The following FHIT variants were observed in gnomAD, a reference collection of about 807,000 sequenced individuals.
FHIT encodes the protein fragile histidine triad diadenosine triphosphatase.
FHIT carries 19 observed loss-of-function variants against 17.9 expected under a neutral mutation model. That is an observed-to-expected ratio of 1.06 (90% CI 0.74 to 1.56). The LOEUF is 1.56. Among genes scored for constraint, FHIT ranks in the 40% most tolerant of loss-of-function variants. FHIT has a pLI of 0.00. For synonymous variants in FHIT, 81 were observed against 69.7 expected (o/e 1.16, Z -0.81); for missense variants, 248 against 189.2 (o/e 1.31, Z -1.82).
chr3:59,778,611 T>C (rs558795811), intron 8 of FHIT, among the ~76,000 whole-genome samples: 1 of 152,252 alleles, frequency 6.6e-6, no homozygotes, highest in African/African-American at 2.4e-5. Context: ...CTTGGCTGTG[T>C]TCCGATAAAA....
Position 60,835,614 on chromosome 3 carries a change from G to C in FHIT, c.-110-13603C>G, listed in dbSNP as rs545472873. ...GAACTCAATTATTAGTTTTTCATTTGTTTGCTTGAGATAGGGTCTCACTCT... is the reference window on the plus strand; with the variant it reads ...GAACTCAATTATTAGTTTTTCATTTCTTTGCTTGAGATAGGGTCTCACTCT... On this transcript the variant is annotated intron_variant, in intron 3 of 9. Transcript: ENST00000492590. Among the ~76,000 whole-genome samples the C allele has an allele frequency of 1.4e-4, 21 of 152,144 alleles. 1 individual carries two copies. In the South Asian group the frequency reaches 4.2e-3, roughly 30 times the overall value.
At chr3:60,758,214 C>T (rs1161139946) in intron 4 of FHIT, among the ~76,000 whole-genome samples, 5 of 152,198 alleles carry the variant, frequency 3.3e-5, no homozygotes, top group Non-Finnish European at 5.9e-5. Context: ...TCCCAATAAC[C>T]TTCCCTCTCC....
chr3:61,191,014 TG>T (rs1334449650), intron 2 of FHIT, among the ~76,000 whole-genome samples: 2 of 151,790 alleles, frequency 1.3e-5, no homozygotes, highest in Non-Finnish European at 2.9e-5. Flanking sequence ...CACACCAACA[TG>T]GCACATGTAT....
chr3:61,232,593 G>A (rs934312665), intron 1 of FHIT, among the ~76,000 whole-genome samples: 1 of 152,172 alleles, frequency 6.6e-6, no homozygotes, highest in African/African-American at 2.4e-5. Flanking sequence ...TCTTCAAGAG[G>A]AGAAACATAC....
chr3:60,732,126 A>C (rs1368515613), intron 4 of FHIT: 2 of 719,698 alleles, frequency 2.8e-6, no homozygotes, highest in African/African-American at 3.5e-5. Flanking sequence ...GGTGGTTAAG[A>C]GAAAACACAA....
intron 2 of FHIT, among the ~76,000 whole-genome samples, chr3:61,104,184 T>A (rs1314433005): frequency 6.6e-6 from 1 of 152,202 alleles, no homozygotes; most frequent in East Asian, 1.9e-4. Context: ...TACTTCACCA[T>A]GTTTTTGTAG....
chr3:60,440,604 C>A (rs1202075034), intron 5 of FHIT, among the ~76,000 whole-genome samples: 1 of 152,052 alleles, frequency 6.6e-6, no homozygotes, highest in African/African-American at 2.4e-5. Flanking sequence ...TGCCCAAAGT[C>A]ACAGGTCATG....
At chr3:59,961,828 G>A (rs1393866935) in intron 7 of FHIT, among the ~76,000 whole-genome samples, 1 of 152,160 alleles carries the variant, frequency 6.6e-6, no homozygotes, top group Non-Finnish European at 1.5e-5. Flanking sequence ...TGATCTCGCT[G>A]GAAGCTGTAG....
intron 5 of FHIT, among the ~76,000 whole-genome samples, chr3:60,231,738 T>C (rs1037848558): frequency 4.6e-5 from 7 of 152,192 alleles, no homozygotes; most frequent in Admixed American, 1.3e-4. Flanking sequence ...CCCTATTAAA[T>C]AGATGAGCAC....
intron 5 of FHIT, among the ~76,000 whole-genome samples, chr3:60,297,953 C>T (rs1708287208): frequency 6.6e-6 from 1 of 152,060 alleles, no homozygotes; most frequent in Non-Finnish European, 1.5e-5. Context: ...TTCCTACAAC[C>T]TCCTCTTCAT....
intron 5 of FHIT, among the ~76,000 whole-genome samples, chr3:60,419,167 A>C (rs1702380120): frequency 6.6e-6 from 1 of 152,178 alleles, no homozygotes; most frequent in South Asian, 2.1e-4. Flanking sequence ...ATCTTAGACA[A>C]GTTACTACAT....
intron 5 of FHIT, among the ~76,000 whole-genome samples, chr3:60,025,340 T>C (rs930717282): frequency 6.6e-6 from 1 of 152,108 alleles, no homozygotes; most frequent in African/African-American, 2.4e-5. Context: ...TCTTAAATAG[T>C]CTCCTGACCC....
At chr3:59,954,371 T>C (rs1707289134) in intron 7 of FHIT, among the ~76,000 whole-genome samples, 1 of 152,146 alleles carries the variant, frequency 6.6e-6, no homozygotes, top group South Asian at 2.1e-4. Flanking sequence ...ACAAATATCA[T>C]TTGAGAAAAG....
Position 60,143,111 on chromosome 3 carries a change from G to C in FHIT, c.104-128959C>G, listed in dbSNP as rs192247285. ...AAAATATACTAAATGCCCAGAAAGAGAGAGTACAGTGATTTTGTTAGAGGC... is the reference window on the plus strand; with the variant it reads ...AAAATATACTAAATGCCCAGAAAGACAGAGTACAGTGATTTTGTTAGAGGC... On this transcript the variant is annotated intron_variant, in intron 5 of 9. Transcript: ENST00000492590. Among the ~76,000 whole-genome samples, 144 of 152,286 alleles carry C rather than the reference G, an allele frequency of 9.5e-4. 1 individual carries two copies. The East Asian group carries it at 0.022, about 23-fold the overall frequency.
chr3:60,332,646 T>C (rs536320132), intron 5 of FHIT, among the ~76,000 whole-genome samples: 1 of 152,172 alleles, frequency 6.6e-6, no homozygotes, highest in Non-Finnish European at 1.5e-5. Flanking sequence ...ATGCTATTAT[T>C]CTGTCCCTAG....
intron 8 of FHIT, among the ~76,000 whole-genome samples, chr3:59,885,837 T>G (rs1380218358): frequency 6.6e-6 from 1 of 152,182 alleles, no homozygotes; most frequent in African/African-American, 2.4e-5. Context: ...CCATAGTGAC[T>G]TATATGAACT....
At chr3:60,538,772 C>T (rs2036077871) in intron 4 of FHIT, among the ~76,000 whole-genome samples, 1 of 152,178 alleles carries the variant, frequency 6.6e-6, no homozygotes, top group Admixed American at 6.5e-5. Flanking sequence ...CTTCCTTACA[C>T]CTTATACAAA....
intron 5 of FHIT, among the ~76,000 whole-genome samples, chr3:60,322,865 TC>T (rs1709497123): frequency 3.3e-5 from 5 of 152,052 alleles, no homozygotes; most frequent in African/African-American, 9.7e-5. Context: ...GGAAATGATA[TC>T]CCAAATTTGA....
At chr3:59,984,387 A>T (rs532791907) in intron 7 of FHIT, among the ~76,000 whole-genome samples, 20 of 134,480 alleles carry the variant, frequency 1.5e-4, no homozygotes, top group African/African-American at 5.6e-4. Context: ...TTGGGGCTCA[A>T]ATCCACTGGG....
Sources: allele counts gnomAD v4.1 joint callset (sites outside exome capture counted in the v4.1 genomes callset), GRCh38; gene constraint gnomAD v4.1.1; transcripts MANE v1.5; gene names NCBI Gene and HGNC (gene_info 2026-07-23, HGNC 2026-07-21).